CTNND2: variants seen among roughly 807,000 people sequenced by gnomAD.
CTNND2 encodes catenin delta 2.
Under a neutral mutation model 144.4 loss-of-function variants are expected in CTNND2, and 22 were observed. The ratio of observed to expected loss-of-function variants is 0.15; its 90% CI spans 0.11 to 0.22. CTNND2 has a LOEUF of 0.22. Among genes scored for constraint, CTNND2 ranks in the 10% least tolerant of loss-of-function variants. The pLI is 1.00. For missense variants in CTNND2, 1,353 were observed against 1,618.8 expected (o/e 0.84, Z 2.82); for synonymous variants, 751 against 695.6 (o/e 1.08, Z -1.25).
At chr5:11,749,305 T>A (rs1208149320) in intron 1 of CTNND2, among the ~76,000 whole-genome samples, 4 of 152,086 alleles carry the variant, frequency 2.6e-5, no homozygotes, top group Non-Finnish European at 5.9e-5. Context: ...TAGGGCAATG[T>A]GTTATGCAGC....
rs1322613796 is a variant in CTNND2, at chr5:10,972,150, G to T, written c.*1303C>A. 23 of 152,614 alleles carry T rather than the reference G, an allele frequency of 1.5e-4. 1 individual carries two copies. The highest frequency in any genetic ancestry group is 2.9e-5 in the Non-Finnish European group (2 of 68,026). The allele number at this position is 152,614 out of a possible 1,614,324, so 9.5% of individuals were successfully genotyped here. ...TTGGCCCCAAAGTGAAACTGAATTGGCCATGGTTTATCGTGTTCTGAGGGG... is the reference window on the plus strand; with the variant it reads ...TTGGCCCCAAAGTGAAACTGAATTGTCCATGGTTTATCGTGTTCTGAGGGG... On this transcript the variant is annotated 3_prime_UTR_variant, in exon 22 of 22. Coordinates refer to ENST00000304623, the MANE Select transcript of CTNND2 (RefSeq NM_001332.4).
At chr5:11,582,460 G>A (rs907403672) in intron 2 of CTNND2, among the ~76,000 whole-genome samples, 2 of 152,068 alleles carry the variant, frequency 1.3e-5, no homozygotes, top group South Asian at 4.1e-4. Context: ...GAGAACGACC[G>A]TCACTGAACT....
intron 10 of CTNND2, among the ~76,000 whole-genome samples, chr5:11,216,392 A>C (rs570986627): frequency 6.6e-6 from 1 of 152,366 alleles, no homozygotes; most frequent in Non-Finnish European, 1.5e-5. Context: ...GCAACCAAAA[A>C]GTTCCTTTCA....
At chr5:11,173,657 T>G (rs1194522961) in intron 11 of CTNND2, among the ~76,000 whole-genome samples, 4 of 152,218 alleles carry the variant, frequency 2.6e-5, no homozygotes, top group Admixed American at 2.0e-4. Context: ...TCATTCCTTC[T>G]TGGTGGATCA....
chr5:11,688,392 G>T (rs1239250655), intron 2 of CTNND2, among the ~76,000 whole-genome samples: 2 of 152,106 alleles, frequency 1.3e-5, no homozygotes, highest in African/African-American at 4.8e-5. Context: ...CCCCAAAAAA[G>T]TGTCTGTTCC....
At chr5:11,609,835 T>G (rs1356772060) in intron 2 of CTNND2, among the ~76,000 whole-genome samples, 1 of 152,182 alleles carries the variant, frequency 6.6e-6, no homozygotes, top group Non-Finnish European at 1.5e-5. Flanking sequence ...TGTGGGATCT[T>G]GACCTCATGA....
intron 3 of CTNND2, among the ~76,000 whole-genome samples, chr5:11,433,270 C>T (rs768976197): frequency 1.3e-5 from 2 of 152,056 alleles, no homozygotes; most frequent in South Asian, 2.1e-4. Flanking sequence ...AAATTATTTA[C>T]TTATTTACTA....
At chr5:11,462,187 G>C (rs1218053207) in intron 3 of CTNND2, among the ~76,000 whole-genome samples, 1 of 152,084 alleles carries the variant, frequency 6.6e-6, no homozygotes, top group Non-Finnish European at 1.5e-5. Context: ...ATACCAAGCA[G>C]AGGGCATAAT....
chr5:11,262,737 G>GGGTGACA (rs1247652183), intron 9 of CTNND2, among the ~76,000 whole-genome samples: 1 of 116,838 alleles, frequency 8.6e-6, no homozygotes, highest in Non-Finnish European at 1.7e-5. Flanking sequence ...ACTCCAGCCT[G>GGGTGACA]GGTGACAGAG....
chr5:11,867,489 A>G (rs1795826634), intron 1 of CTNND2, among the ~76,000 whole-genome samples: 1 of 152,228 alleles, frequency 6.6e-6, no homozygotes, highest in Non-Finnish European at 1.5e-5. Flanking sequence ...CTGTTTCATT[A>G]ACAGGATACT....
intron 9 of CTNND2, among the ~76,000 whole-genome samples, chr5:11,303,646 GA>G (rs1459260308): frequency 6.6e-6 from 1 of 152,176 alleles, no homozygotes; most frequent in African/African-American, 2.4e-5. Context: ...AGAGCTCCAA[GA>G]CATAGATTTC....
At position 11,524,208 on chromosome 5, in the gene CTNND2, T is replaced by C. The variant is rs114941170; in HGVS notation, c.287+40736A>G. ...GTGACCTCCACCTTCCCACGTCCCC[T>C]CCACAGGACTCTTCAGCCTTTGCAG... On this transcript the variant is annotated intron_variant, in intron 3 of 21. Coordinates refer to ENST00000304623, the MANE Select transcript of CTNND2 (RefSeq NM_001332.4). 3.6e-3 allele frequency among the ~76,000 whole-genome samples: 555 copies of C among 152,182 alleles called. 5 individuals carry two copies. The highest frequency in any genetic ancestry group is 0.013 in the African/African-American group (524 of 41,506).
At chr5:11,154,509 G>C (rs1172063980) in intron 12 of CTNND2, among the ~76,000 whole-genome samples, 1 of 151,588 alleles carries the variant, frequency 6.6e-6, no homozygotes, top group Non-Finnish European at 1.5e-5. Flanking sequence ...TGTTTGTTGA[G>C]TGTGTGGGCA....
chr5:11,350,820 T>A (rs946750595), intron 8 of CTNND2, among the ~76,000 whole-genome samples: 9 of 152,190 alleles, frequency 5.9e-5, no homozygotes, highest in African/African-American at 2.2e-4. Context: ...AATGTAACAA[T>A]GTAATACCTT....
intron 16 of CTNND2, among the ~76,000 whole-genome samples, chr5:11,044,629 C>T (rs1050423868): frequency 6.6e-6 from 1 of 151,772 alleles, no homozygotes; most frequent in Non-Finnish European, 1.5e-5. Context: ...TTACAAAATT[C>T]CATTAGTTAA....
chr5:11,296,996 G>C (rs1309955149), intron 9 of CTNND2, among the ~76,000 whole-genome samples: 1 of 151,956 alleles, frequency 6.6e-6, no homozygotes, highest in African/African-American at 2.4e-5. Flanking sequence ...AAAAAAGAAA[G>C]TTTCTCAGTA....
intron 1 of CTNND2, among the ~76,000 whole-genome samples, chr5:11,890,231 T>C (rs1382333149): frequency 6.6e-6 from 1 of 152,218 alleles, no homozygotes; most frequent in Non-Finnish European, 1.5e-5. Flanking sequence ...TGGTTCTATA[T>C]TGGTTCATAT....
Position 10,973,865 on chromosome 5 carries a change from C to T in CTNND2, c.3418-152G>A, listed in dbSNP as rs775077478. Reference sequence around the variant, plus strand: ...CTGCTTCTCCAAAACTGCCAACTGTCATTGGCTTTCCTTTTGAAAATTGGA... The same window carrying T: ...CTGCTTCTCCAAAACTGCCAACTGTTATTGGCTTTCCTTTTGAAAATTGGA... On this transcript the variant is annotated intron_variant, in intron 21 of 21. Transcript: ENST00000304623. This position sits in a 1 kb window ranked among gnomAD's most constrained non-coding sequence, Gnocchi z 5.6. 2 of 825,572 alleles carry T rather than the reference C, an allele frequency of 2.4e-6. No homozygotes were observed. The highest frequency in any genetic ancestry group is 2.8e-5 in the East Asian group (1 of 35,200). 51.1% of individuals were successfully genotyped at this position (825,572 alleles called of 1,614,324 possible). A position where few individuals can be genotyped will look rare whatever the true frequency, so the allele number is the denominator to read the frequency against.
Position 11,901,133 on chromosome 5 carries a change from T to G in CTNND2, c.37+2684A>C, listed in dbSNP as rs150894631. ...TAGTGTACTGACCCTATGGACAAAT[T>G]ACAATAAATTATTTCAAATGTAATG... On this transcript the variant is annotated intron_variant, in intron 1 of 21. Transcript: ENST00000304623. 9.8e-5 allele frequency among the ~76,000 whole-genome samples: 15 copies of G among 152,292 alleles called. No homozygotes were observed. In the East Asian group the frequency reaches 2.7e-3, roughly 27 times the overall value.
Sources: gnomAD v4.1 joint callset for allele counts (sites outside exome capture counted in the v4.1 genomes callset) on GRCh38, gnomAD v4.1.1 for gene constraint, Gnocchi (gnomAD v3.1) non-coding constraint, MANE v1.5 for transcripts, NCBI Gene and HGNC (gene_info 2026-07-23, HGNC 2026-07-21) for gene names.